Variants in CCDC92 observed in about 807,000 individuals in gnomAD.
The protein encoded by CCDC92 is coiled-coil domain-containing protein 92.
A neutral mutation model predicts 24.9 loss-of-function variants in CCDC92; 12 were observed. The observed-to-expected ratio is 0.48, with a 90% confidence interval of 0.31 to 0.78. The LOEUF is 0.78. Ranked by LOEUF, CCDC92 falls within the 30% of genes least tolerant of loss-of-function variation. CCDC92 has a pLI of 0.05. For synonymous variants in CCDC92, 193 were observed against 196.3 expected (o/e 0.98, Z 0.14); for missense variants, 399 against 439.4 (o/e 0.91, Z 0.82).
intron 1 of CCDC92, among the ~76,000 whole-genome samples, chr12:123,967,710 T>G (rs1433534336): frequency 1.3e-5 from 2 of 152,248 alleles, no homozygotes; most frequent in Non-Finnish European, 2.9e-5. Flanking sequence ...GATGATCTTT[T>G]CAGAGTATGA....
chr12:123,946,524 C>T (rs904079369), intron 1 of CCDC92: 1 of 152,608 alleles, frequency 6.6e-6, no homozygotes, highest in Non-Finnish European at 1.5e-5. Context: ...ACCCTGTCCC[C>T]AGTTCTAGTC....
chr12:123,968,260 G>A (rs1956439028), intron 1 of CCDC92: 1 of 152,104 alleles, frequency 6.6e-6, no homozygotes, highest in Admixed American at 6.5e-5. Context: ...CAGTAAATTG[G>A]GAATAATCAT....
chr12:123,944,347 G>C lies in CCDC92; in HGVS notation c.-42C>G. ...GCTACCAGAGTAATTCAAGACGCTTGTACAGCACTGAAAAATACTGAGGAT... is the reference window on the plus strand; with the variant it reads ...GCTACCAGAGTAATTCAAGACGCTTCTACAGCACTGAAAAATACTGAGGAT... On this transcript the variant is annotated 5_prime_UTR_variant, in exon 2 of 5. Transcript: ENST00000238156. The C allele has an allele frequency of 1.3e-6, 2 of 1,505,006 alleles. No individual in the cohort carries two copies. Among genetic ancestry groups the C allele is most frequent in the Non-Finnish European group, 1.8e-6 (2 of 1,125,628 alleles). The allele number at this position is 1,505,006 out of a possible 1,614,324, so 93.2% of individuals were successfully genotyped here.
At chr12:123,947,103 G>A (rs1394195925) in intron 1 of CCDC92, among the ~76,000 whole-genome samples, 2 of 152,196 alleles carry the variant, frequency 1.3e-5, no homozygotes, top group African/African-American at 4.8e-5. Context: ...TTAGCACCCA[G>A]GCCAGCAGCT....
At chr12:123,952,805 G>A (rs527516447) in intron 1 of CCDC92, among the ~76,000 whole-genome samples, 2 of 152,312 alleles carry the variant, frequency 1.3e-5, no homozygotes, top group African/African-American at 4.8e-5. Flanking sequence ...GAAGGCAAAG[G>A]TGCAATTATG....
chr12:123,967,977 G>C, intron 1 of CCDC92: 1 of 152,232 alleles, frequency 6.6e-6, no homozygotes, highest in East Asian at 1.9e-4. Flanking sequence ...AGTATCTTAA[G>C]TGTTGCCAAA....
At chr12:123,952,071 T>C (rs996693523) in intron 1 of CCDC92, among the ~76,000 whole-genome samples, 5 of 152,214 alleles carry the variant, frequency 3.3e-5, no homozygotes, top group Non-Finnish European at 7.3e-5. Context: ...ACCTAAGTCA[T>C]TGTGATGTCT....
chr12:123,953,205 C>T (rs1956067701), intron 1 of CCDC92, among the ~76,000 whole-genome samples: 1 of 149,370 alleles, frequency 6.7e-6, no homozygotes, highest in Admixed American at 6.7e-5. Flanking sequence ...ATAGGCACAT[C>T]TCTAAAAGCT....
intron 2 of CCDC92, 98 bp from the exon 3 acceptor site, chr12:123,943,591 G>A: frequency 7.4e-7 from 1 of 1,357,550 alleles, no homozygotes; most frequent in East Asian, 2.3e-5. Flanking sequence ...CGCCTCCCAG[G>A]AGAGAGCAGA....
intron 1 of CCDC92, chr12:123,962,668 G>A (rs1057478392): frequency 1.3e-5 from 2 of 153,782 alleles, no homozygotes; most frequent in Admixed American, 6.5e-5. Flanking sequence ...GGAAGGTGGC[G>A]ACTCTGTGTG....
rs1262253994 is a variant in CCDC92 at position 123,942,765 on chromosome 12, C to T, written c.202G>A (p.Val68Ile). Residue 68 changes from valine (V) to isoleucine (I), a missense_variant, in exon 4 of 5, where the codon GTC becomes ATC. Physicochemically the swap from Val to Ile is conservative, Grantham distance 29. Coordinates refer to ENST00000238156, the MANE Select transcript of CCDC92 (RefSeq NM_025140.3). ...HCTDLTYELT[V>I]KSSEQTGDGT... Reference sequence around the variant, plus strand: ...TTACCTGTCTGTTCCGAACTTTTGACTGTCAGCTCATATGTTAAATCTAAA... The same window carrying T: ...TTACCTGTCTGTTCCGAACTTTTGATTGTCAGCTCATATGTTAAATCTAAA... 2 of 1,608,516 alleles carry T rather than the reference C, an allele frequency of 1.2e-6. No individual in the cohort carries two copies. Among genetic ancestry groups the T allele is most frequent in the East Asian group, 4.5e-5 (2 of 44,870 alleles).
intron 1 of CCDC92, among the ~76,000 whole-genome samples, chr12:123,947,783 G>A (rs1232661193): frequency 6.6e-6 from 1 of 152,144 alleles, no homozygotes; most frequent in African/African-American, 2.4e-5. Flanking sequence ...GGCTGCCCGA[G>A]CCAGCAGTGG....
chr12:123,938,912 G>A (rs1158088434), intron 4 of CCDC92, among the ~76,000 whole-genome samples: 1 of 152,052 alleles, frequency 6.6e-6, no homozygotes, highest in Non-Finnish European at 1.5e-5. Flanking sequence ...CCTCCAGCCG[G>A]CCTTGGTCCC....
intron 1 of CCDC92, chr12:123,971,367 A>G (rs1452849439): frequency 6.6e-6 from 1 of 151,898 alleles, no homozygotes; most frequent in Non-Finnish European, 1.5e-5. Context: ...AAACGTTAGC[A>G]TCTTTTTCCT....
chr12:123,956,242 T>C (rs919003721), intron 1 of CCDC92: 2 of 152,232 alleles, frequency 1.3e-5, no homozygotes, highest in African/African-American at 2.4e-5. Flanking sequence ...TAAGTACCAA[T>C]ATTTTTAAAA....
chr12:123,969,905 T>G (rs1024856719), intron 1 of CCDC92: 2 of 152,156 alleles, frequency 1.3e-5, no homozygotes, highest in African/African-American at 4.8e-5. Flanking sequence ...GTAATTTTCC[T>G]CTTGATTCAA....
chr12:123,946,465 A>G (rs1955873181), intron 1 of CCDC92: 1 of 152,354 alleles, frequency 6.6e-6, no homozygotes, highest in Non-Finnish European at 1.5e-5. Flanking sequence ...TCTCAGTACA[A>G]GTTTACTTCC....
chr12:123,947,568 G>A (rs866989106), intron 1 of CCDC92, among the ~76,000 whole-genome samples: 9 of 152,220 alleles, frequency 5.9e-5, no homozygotes, highest in African/African-American at 9.6e-5. Context: ...TGCACCAATC[G>A]ACACTCTGTA....
At chr12:123,951,463 T>G (rs2138039164) in intron 1 of CCDC92, among the ~76,000 whole-genome samples, 1 of 152,314 alleles carries the variant, frequency 6.6e-6, no homozygotes, top group East Asian at 1.9e-4. Context: ...GGGTAATAAT[T>G]TTAGAATCTA....
Sources: gnomAD v4.1 joint callset for allele counts (sites outside exome capture counted in the v4.1 genomes callset) on GRCh38, gnomAD v4.1.1 for gene constraint, MANE v1.5 for transcripts, NCBI Gene and HGNC (gene_info 2026-07-23, HGNC 2026-07-21) for gene names.